FHIT: variants seen among roughly 807,000 people sequenced by gnomAD.
The protein encoded by FHIT is fragile histidine triad diadenosine triphosphatase.
FHIT carries 19 observed loss-of-function variants against 17.9 expected under a neutral mutation model. That is an observed-to-expected ratio of 1.06 (90% CI 0.74 to 1.56). The LOEUF (loss-of-function observed/expected upper bound fraction) is 1.56. FHIT is among the 40% of genes most tolerant of loss of function. The pLI is 0.00. For synonymous variants in FHIT, 81 were observed against 69.7 expected (o/e 1.16, Z -0.81); for missense variants, 248 against 189.2 (o/e 1.31, Z -1.82).
At chr3:60,168,366 C>G (rs897622237) in intron 5 of FHIT, among the ~76,000 whole-genome samples, 1 of 152,180 alleles carries the variant, frequency 6.6e-6, no homozygotes, top group African/African-American at 2.4e-5. Flanking sequence ...CATGAGCCCT[C>G]TGATTATGCA....
At chr3:60,754,670 A>C (rs1326442458) in intron 4 of FHIT, among the ~76,000 whole-genome samples, 1 of 152,098 alleles carries the variant, frequency 6.6e-6, no homozygotes, top group Non-Finnish European at 1.5e-5. Flanking sequence ...TATGATGAGA[A>C]GCTTTTGGGA....
At chr3:61,200,537 A>C (rs2038980541) in intron 2 of FHIT, 80 bp downstream of exon 2, 1 of 152,654 alleles carries the variant, frequency 6.6e-6, no homozygotes, top group East Asian at 1.9e-4. Context: ...CTTTAGTCCA[A>C]GTGTTTAAAT....
chr3:60,246,697 T>C (rs1705413942), intron 5 of FHIT, among the ~76,000 whole-genome samples: 1 of 152,132 alleles, frequency 6.6e-6, no homozygotes, highest in Admixed American at 6.6e-5. Context: ...TTTACTCCTA[T>C]TTAAAGTGAA....
At chr3:60,837,927 T>C (rs1559760705) in intron 3 of FHIT, among the ~76,000 whole-genome samples, 1 of 152,178 alleles carries the variant, frequency 6.6e-6, no homozygotes, top group Non-Finnish European at 1.5e-5. Context: ...AATATAATTA[T>C]TTTAAATACT....
chr3:61,066,783 AG>A (rs1195545724), intron 2 of FHIT, among the ~76,000 whole-genome samples: 1 of 152,216 alleles, frequency 6.6e-6, no homozygotes, highest in African/African-American at 2.4e-5. Context: ...CCAAGGGCAT[AG>A]GTTTGGGTAG....
At chr3:60,505,466 T>A (rs2034689460) in intron 5 of FHIT, among the ~76,000 whole-genome samples, 1 of 152,128 alleles carries the variant, frequency 6.6e-6, no homozygotes, top group African/African-American at 2.4e-5. Flanking sequence ...AGAAAGAAAA[T>A]TTTCCCTAAA....
intron 3 of FHIT, among the ~76,000 whole-genome samples, chr3:60,920,119 A>G (rs1707205301): frequency 1.3e-5 from 2 of 152,204 alleles, no homozygotes; most frequent in South Asian, 4.1e-4. Flanking sequence ...AGCTCAATGA[A>G]TTTAATTTTT....
intron 5 of FHIT, among the ~76,000 whole-genome samples, chr3:60,463,661 G>A (rs1044412941): frequency 1.3e-5 from 2 of 152,198 alleles, no homozygotes; most frequent in African/African-American, 4.8e-5. Flanking sequence ...AGCTGTCCAT[G>A]TGGGAGGTTA....
At chr3:59,787,894 C>G (rs1383906292) in intron 8 of FHIT, among the ~76,000 whole-genome samples, 3 of 152,142 alleles carry the variant, frequency 2.0e-5, no homozygotes, top group Admixed American at 6.5e-5. Flanking sequence ...TTCTACAAAC[C>G]CTTCCTAGCT....
At chr3:60,751,846 TA>T (rs1249334597) in intron 4 of FHIT, among the ~76,000 whole-genome samples, 1 of 152,112 alleles carries the variant, frequency 6.6e-6, no homozygotes, top group Non-Finnish European at 1.5e-5. Context: ...TTTTATAATA[TA>T]AAAAAACCAG....
intron 3 of FHIT, among the ~76,000 whole-genome samples, chr3:60,943,099 T>C (rs1332413039): frequency 6.6e-6 from 1 of 152,174 alleles, no homozygotes; most frequent in African/African-American, 2.4e-5. Context: ...TGAAGTTCTA[T>C]ATATGTCTAT....
chr3:60,794,456 C>T (rs1356604969), intron 4 of FHIT, among the ~76,000 whole-genome samples: 1 of 151,652 alleles, frequency 6.6e-6, no homozygotes, highest in East Asian at 1.9e-4. Flanking sequence ...AACAGTTTTC[C>T]ACATTTTAAC....
chr3:60,111,437 A>G (rs898405260), intron 5 of FHIT, among the ~76,000 whole-genome samples: 3 of 152,222 alleles, frequency 2.0e-5, no homozygotes, highest in African/African-American at 7.2e-5. Flanking sequence ...AAAACCACTG[A>G]TATATAATAG....
At chr3:59,780,852 G>C (rs1000991681) in intron 8 of FHIT, among the ~76,000 whole-genome samples, 7 of 152,132 alleles carry the variant, frequency 4.6e-5, no homozygotes, top group Admixed American at 6.5e-5. Flanking sequence ...TTCTCTTATA[G>C]CAGCTTGATC....
intron 4 of FHIT, among the ~76,000 whole-genome samples, chr3:60,776,094 T>C (rs1343894748): frequency 1.3e-5 from 2 of 152,218 alleles, no homozygotes; most frequent in African/African-American, 4.8e-5. Flanking sequence ...ACTGTCAGTG[T>C]ATTCTCTGCA....
chr3:60,081,750 G>A (rs1484752128), intron 5 of FHIT, among the ~76,000 whole-genome samples: 1 of 151,958 alleles, frequency 6.6e-6, no homozygotes, highest in Non-Finnish European at 1.5e-5. Context: ...ATGTGTGTGT[G>A]TTTTGAGAGA....
At chr3:61,087,409 T>A (rs1368241933) in intron 2 of FHIT, among the ~76,000 whole-genome samples, 1 of 152,124 alleles carries the variant, frequency 6.6e-6, no homozygotes, top group African/African-American at 2.4e-5. Context: ...CACCGCTACA[T>A]CACTTTCCAG....
intron 3 of FHIT, among the ~76,000 whole-genome samples, chr3:60,981,295 CTTTT>C (rs71100934): frequency 3.0e-4 from 37 of 124,496 alleles, no homozygotes; most frequent in Admixed American, 1.7e-4. Context: ...TTCTTCCTTC[CTTTT>C]TTTTTTTTTT....
At chr3:61,135,737 T>C (rs1297706773) in intron 2 of FHIT, among the ~76,000 whole-genome samples, 1 of 152,180 alleles carries the variant, frequency 6.6e-6, no homozygotes, top group Non-Finnish European at 1.5e-5. Context: ...CTTTAATGAA[T>C]ACATTTATTT....
Sources: allele counts gnomAD v4.1 joint callset (sites outside exome capture counted in the v4.1 genomes callset), GRCh38; gene constraint gnomAD v4.1.1; transcripts MANE v1.5; gene names NCBI Gene and HGNC (gene_info 2026-07-23, HGNC 2026-07-21).